The following ZC3HAV1L variants were observed in gnomAD, a reference collection of about 807,000 sequenced individuals.
The protein encoded by ZC3HAV1L is zinc finger CCCH-type antiviral protein 1-like.
Under a neutral mutation model 28.2 loss-of-function variants are expected in ZC3HAV1L, and 23 were observed. The ratio of observed to expected loss-of-function variants is 0.82; its 90% CI spans 0.59 to 1.16. ZC3HAV1L has a LOEUF of 1.16. Ranked by LOEUF, ZC3HAV1L falls within the 50% of genes most tolerant of loss-of-function variation. The pLI is 0.00. For synonymous variants in ZC3HAV1L, 180 were observed against 163.4 expected, an observed-to-expected ratio of 1.10 and a Z score of -0.78; for missense variants, 376 against 387.7, an observed-to-expected ratio of 0.97 and a Z score of 0.25.
At chr7:139,022,483 C>T (rs768808456), downstream of ZC3HAV1L, 10 of 363,082 alleles carry the variant, frequency 2.8e-5, no homozygotes, top group Non-Finnish European at 5.6e-5. Context: ...GAAATCAAGG[C>T]TGCAGGGAGC....
In ZC3HAV1L at chr7:139,026,814, A is replaced by G; in HGVS notation, c.780T>C (p.Thr260=). The G allele has an allele frequency of 1.9e-6, 3 of 1,613,140 alleles. No individual in the cohort carries two copies. The highest frequency in any genetic ancestry group is 2.5e-6 in the Non-Finnish European group (3 of 1,179,532). ...GCTTCTCAAGGCCTTGTGAATGCTC[A>G]GTCGAAGGTGATGAATTATCTACAA... is the stretch of plus-strand genomic sequence containing the variant. ...LENTDNSSPS[T]EHSQGLEKQG... Residue 260 remains threonine, a synonymous_variant, in exon 4 of 5, where the codon ACT becomes ACC. Coordinates refer to ENST00000275766, the MANE Select transcript of ZC3HAV1L (RefSeq NM_080660.4).
At chr7:139,032,337 T>C (rs1183136285) in intron 2 of ZC3HAV1L, among the ~76,000 whole-genome samples, 2 of 151,882 alleles carry the variant, frequency 1.3e-5, no homozygotes, top group African/African-American at 4.8e-5. Flanking sequence ...GTGACTGTAG[T>C]TAATAATAAC....
chr7:139,025,123 C>T (rs145342842), downstream of ZC3HAV1L, among the ~76,000 whole-genome samples: 10 of 152,242 alleles, frequency 6.6e-5, no homozygotes, highest in African/African-American at 1.2e-4. Context: ...GCTCATCCTT[C>T]AAACTATTGT....
chr7:139,035,765 CG>C lies in ZC3HAV1L; in HGVS notation c.252del (p.Val85CysfsTer56). On this transcript the variant is annotated frameshift_variant, in exon 1 of 5. Coordinates refer to ENST00000275766, the MANE Select transcript of ZC3HAV1L (RefSeq NM_080660.4). LOFTEE classifies it high-confidence loss of function. ...GGGTSAWRVVAVSSVRLCARY... is the reference protein window; with the variant it reads ...GGGTSAWRVVXVSSVRLCARY... Reference sequence around the variant, plus strand: ...CGGGCGCAGAGGCGCACAGAGGACACGGCCACCACCCTCCAGGCGGAGGTGC... The same window carrying C: ...CGGGCGCAGAGGCGCACAGAGGACACGCCACCACCCTCCAGGCGGAGGTGC... 6.7e-7 allele frequency: 1 copy of C among 1,497,176 alleles called. No homozygotes were observed. The highest frequency in any genetic ancestry group is 8.8e-7 in the Non-Finnish European group (1 of 1,131,726). 92.7% of individuals were successfully genotyped at this position (1,497,176 alleles called of 1,614,324 possible). A position where few individuals can be genotyped will look rare whatever the true frequency, so the allele number is the denominator to read the frequency against.
Position 139,026,499 on chromosome 7 carries a change from CA to C in ZC3HAV1L, c.*44del. On this transcript the variant is annotated 3_prime_UTR_variant, in exon 5 of 5. Transcript: ENST00000275766. ...CACCCCATCCCCAACCACCCATGCCCAAATGTATTCTTCCAAAAGGACATTT... is the reference window on the plus strand; with the variant it reads ...CACCCCATCCCCAACCACCCATGCCCAATGTATTCTTCCAAAAGGACATTT... 4.3e-6 allele frequency: 7 copies of C among 1,611,740 alleles called. No individual in the cohort carries two copies. The highest frequency in any genetic ancestry group is 5.9e-6 in the Non-Finnish European group (7 of 1,179,618).
At chr7:139,025,399 G>C (rs1815326450), downstream of ZC3HAV1L, among the ~76,000 whole-genome samples, 1 of 150,244 alleles carries the variant, frequency 6.7e-6, no homozygotes, top group East Asian at 2.0e-4. Context: ...GGTGAGATGA[G>C]ATCGCGCCAT....
At position 139,028,900 on chromosome 7, in the gene ZC3HAV1L, A is replaced by T. The variant is rs1300053782; in HGVS notation, c.562T>A (p.Cys188Ser). Reference sequence around the variant, plus strand: ...GATTTGCACACATGAAACTTGTTGCATTTATCCTTGAGGTTGCAGTAGCCA... The same window carrying T: ...GATTTGCACACATGAAACTTGTTGCTTTTATCCTTGAGGTTGCAGTAGCCA... The part of the protein sequence containing the change: ...LYGYCNLKDK[C>S]NKFHVCKSFV... Residue 188 changes from cysteine (C) to serine (S), a missense_variant, in exon 3 of 5, where the codon TGC becomes AGC. Physicochemically the swap from Cys to Ser is moderately radical, Grantham distance 112. Coordinates refer to ENST00000275766, the MANE Select transcript of ZC3HAV1L (RefSeq NM_080660.4). 1 of 1,614,194 alleles carries T rather than the reference A, an allele frequency of 6.2e-7. No individual in the cohort carries two copies. The highest frequency in any genetic ancestry group is 1.1e-5 in the South Asian group (1 of 91,078).
downstream of ZC3HAV1L, among the ~76,000 whole-genome samples, chr7:139,023,129 C>G (rs992066341): frequency 7.3e-6 from 1 of 137,444 alleles, no homozygotes. Context: ...GAGCTGAGAT[C>G]ATGCCACTGT....
At chr7:139,024,915 G>A (rs78767118), downstream of ZC3HAV1L, among the ~76,000 whole-genome samples, 1,373 of 152,262 alleles carry the variant, frequency 9.0e-3, 4 homozygotes, top group Non-Finnish European at 0.014. Context: ...GCTGCTTCTT[G>A]TGGTACCCCT....
chr7:139,023,266 T>A (rs1375302720), downstream of ZC3HAV1L, among the ~76,000 whole-genome samples: 2 of 149,806 alleles, frequency 1.3e-5, no homozygotes, highest in Non-Finnish European at 1.5e-5. Context: ...TCCAAGTAGG[T>A]CAAGTACATA....
chr7:139,032,793 T>C (rs879616597), intron 2 of ZC3HAV1L, among the ~76,000 whole-genome samples: 2 of 152,072 alleles, frequency 1.3e-5, no homozygotes, highest in Non-Finnish European at 2.9e-5. Context: ...AGCTTAATCA[T>C]TGCAATCAAT....
At chr7:139,033,920 G>A in intron 2 of ZC3HAV1L, 1 of 985,372 alleles carries the variant, frequency 1.0e-6, no homozygotes, top group Non-Finnish European at 1.2e-6. Context: ...TGGTTGGAAT[G>A]CCTCTGGCTC....
rs950468584 is a variant in ZC3HAV1L, at chr7:139,034,579, G to A, written c.465C>T (p.Ile155=). ...LFGLNENQLR[I]LLLQNDPCLL... is the part of the protein sequence containing the mutation. ...GACAGGGGTCATTCTGCAAAAGCAG[G>A]ATCCGAAGCTGGTTTTCATTGAGAC... is the stretch of plus-strand genomic sequence containing the variant. The change falls in exon 2 of 5, where the codon ATC becomes ATT. Residue 155 remains isoleucine, a synonymous_variant. Transcript: ENST00000275766. 3.1e-6 allele frequency: 5 copies of A among 1,614,146 alleles called. No homozygotes were observed. The highest frequency in any genetic ancestry group is 4.2e-6 in the Non-Finnish European group (5 of 1,180,028).
downstream of ZC3HAV1L, among the ~76,000 whole-genome samples, chr7:139,024,472 A>G (rs1193274736): frequency 6.6e-6 from 1 of 152,232 alleles, no homozygotes; most frequent in Non-Finnish European, 1.5e-5. Flanking sequence ...AAAAATATAC[A>G]TAGTAAAATG....
In ZC3HAV1L at chr7:139,035,739, G is replaced by T; in HGVS notation, c.279C>A (p.Arg93=). ...VAVSSVRLCA[R]YQRGECQACD... Reference sequence around the variant, plus strand: ...AGGCCTGGCACTCGCCGCGCTGGTAGCGGGCGCAGAGGCGCACAGAGGACA... The same window carrying T: ...AGGCCTGGCACTCGCCGCGCTGGTATCGGGCGCAGAGGCGCACAGAGGACA... Residue 93 remains arginine (R), a synonymous_variant, in exon 1 of 5, where the codon CGC becomes CGA. Coordinates refer to ENST00000275766, the MANE Select transcript of ZC3HAV1L (RefSeq NM_080660.4). The T allele has an allele frequency of 1.3e-6, 2 of 1,489,584 alleles. No homozygotes were observed. Among genetic ancestry groups the T allele is most frequent in the Non-Finnish European group, 1.8e-6 (2 of 1,128,610 alleles). The allele number at this position is 1,489,584 out of a possible 1,614,324, so 92.3% of individuals were successfully genotyped here.
chr7:139,023,444 A>G (rs1815288729), downstream of ZC3HAV1L, among the ~76,000 whole-genome samples: 1 of 152,200 alleles, frequency 6.6e-6, no homozygotes, highest in Non-Finnish European at 1.5e-5. Context: ...TAGATGGGAC[A>G]GTTTGCCACA....
downstream of ZC3HAV1L, chr7:139,022,339 T>G: frequency 2.7e-6 from 1 of 369,620 alleles, no homozygotes; most frequent in Non-Finnish European, 5.5e-6. Context: ...AGCTTAGGAG[T>G]TCAAGACCAG....
chr7:139,022,281 T>C (rs1244079532), downstream of ZC3HAV1L: 6 of 227,162 alleles, frequency 2.6e-5, no homozygotes, highest in Admixed American at 2.9e-4. Context: ...TAGTGGCTCA[T>C]GCCTGTAATC....
In ZC3HAV1L at chr7:139,026,817, CG is replaced by C; in HGVS notation, c.776del (p.Ser259Ter). 1 of 1,612,924 alleles carries C rather than the reference CG, an allele frequency of 6.2e-7. No homozygotes were observed. Among genetic ancestry groups the C allele is most frequent in the Non-Finnish European group, 8.5e-7 (1 of 1,179,498 alleles). The part of the protein sequence containing the change: ...MLENTDNSSP[S>X]TEHSQGLEKQ... ...TCTCAAGGCCTTGTGAATGCTCAGT[CG>C]AAGGTGATGAATTATCTACAAAGAG... On this transcript the variant is annotated frameshift_variant, in exon 4 of 5. Coordinates refer to ENST00000275766, the MANE Select transcript of ZC3HAV1L (RefSeq NM_080660.4). LOFTEE classifies it high-confidence loss of function.
Sources: allele counts gnomAD v4.1 joint callset (sites outside exome capture counted in the v4.1 genomes callset), GRCh38; gene constraint gnomAD v4.1.1; transcripts MANE v1.5; gene names NCBI Gene and HGNC (gene_info 2026-07-23, HGNC 2026-07-21).